The following ZNF454 variants were observed in gnomAD, a reference collection of about 807,000 sequenced individuals.
ZNF454 encodes the protein zinc finger protein 454.
Under a neutral mutation model 48.2 loss-of-function variants are expected in ZNF454, and 30 were observed. The ratio of observed to expected loss-of-function variants is 0.62; its 90% confidence interval spans 0.47 to 0.84. The LOEUF is 0.84. ZNF454 is among the 40% of genes least tolerant of loss of function. ZNF454 has a pLI of 0.00. For synonymous variants in ZNF454, 204 were observed against 211.4 expected (o/e 0.97, Z 0.30); for missense variants, 510 against 623.1 (o/e 0.82, Z 1.93).
In ZNF454 at chr5:178,964,634, T is replaced by G. The variant is rs770365738; in HGVS notation, c.251-21T>G. ...GTTTTGCTAGGGTAAAACAGACATT[T>G]TTATTTTTAATGTCTTTCAGACTGG... On this transcript the variant is annotated intron_variant, in intron 4 of 4. Transcript: ENST00000519564. 4 of 1,582,890 alleles carry G rather than the reference T, an allele frequency of 2.5e-6. No homozygotes were observed. The African/African-American group carries it at 5.4e-5, about 21-fold the overall frequency.
chr5:178,983,813 C>T, the ZNF454 span, among the ~76,000 whole-genome samples: 2 of 152,168 alleles, frequency 1.3e-5, no homozygotes, highest in Non-Finnish European at 2.9e-5. Flanking sequence ...CAACCTCAAG[C>T]CAAGGAAAGC....
the ZNF454 span, chr5:178,986,058 GGC>G: frequency 7.1e-7 from 1 of 1,400,960 alleles, no homozygotes; most frequent in East Asian, 2.4e-5. Context: ...CACTGTGCCT[GGC>G]CCTTTTGGCT....
At chr5:178,982,886 G>C in the ZNF454 span, 1 of 1,568,332 alleles carries the variant, frequency 6.4e-7, no homozygotes, top group Non-Finnish European at 8.8e-7. Context: ...AACAGGCAGC[G>C]AGACCTCCTG....
chr5:178,986,512 C>A, the ZNF454 span: 4 of 1,608,964 alleles, frequency 2.5e-6, no homozygotes, highest in African/African-American at 4.0e-5. Flanking sequence ...GGGGGAGGAC[C>A]AGCTCAGGCG....
Position 178,946,394 on chromosome 5 carries a change from C to G in ZNF454, c.69C>G (p.Phe23Leu). 1 of 1,613,036 alleles carries G rather than the reference C, an allele frequency of 6.2e-7. No individual in the cohort carries two copies. The highest frequency in any genetic ancestry group is 8.5e-7 in the Non-Finnish European group (1 of 1,179,594). Residue 23 changes from phenylalanine to leucine, a missense_variant, in exon 3 of 5, where the codon TTC becomes TTG. Coordinates refer to ENST00000519564, the MANE Select transcript of ZNF454 (RefSeq NM_001178089.3). This position sits in a 1 kb window ranked among gnomAD's most constrained non-coding sequence, Gnocchi z 4.5. ...CCTTCAAGGATGTGGCTATACTGTT[C>G]ACCCAGGAAGAGTGGGGGCAGCTGA... ...SVTFKDVAIL[F>L]TQEEWGQLSP... is the part of the protein sequence containing the mutation.
chr5:178,986,337 G>T, the ZNF454 span: 9 of 1,614,022 alleles, frequency 5.6e-6, no homozygotes, highest in Non-Finnish European at 7.6e-6. Flanking sequence ...CCACCATGAG[G>T]AAGGTGATGG....
intron 4 of ZNF454, among the ~76,000 whole-genome samples, chr5:178,951,932 T>C (rs1170792742): frequency 6.6e-6 from 1 of 152,232 alleles, no homozygotes; most frequent in Non-Finnish European, 1.5e-5. Flanking sequence ...CTGCCCAAAT[T>C]TGAAACTATC....
At chr5:178,982,576 CAAAAAAAAA>C in the ZNF454 span, among the ~76,000 whole-genome samples, 1 of 20,168 alleles carries the variant, frequency 5.0e-5, no homozygotes, top group African/African-American at 2.5e-4. Flanking sequence ...GACTCTGTCT[CAAAAAAAAA>C]AAAAAAAAAA....
At chr5:178,985,649 G>A in the ZNF454 span, 6 of 389,470 alleles carry the variant, frequency 1.5e-5, no homozygotes, top group East Asian at 7.6e-5. Context: ...CTTGCAGGGA[G>A]CTGAGATAGT....
chr5:178,965,755 GAC>G lies in ZNF454; in HGVS notation c.1352_1353del (p.Asp451AlafsTer8). ...TAACATATGTGAAAAAGCCTTCAGT[GAC>G]CATTCAGCCCTTACCCAACATAAGA... ...TCNICEKAFSDHSALTQHKRI... is the reference protein window; with the variant it reads ...TCNICEKAFSXHSALTQHKRI... On this transcript the variant is annotated frameshift_variant, in exon 5 of 5. Coordinates refer to ENST00000519564, the MANE Select transcript of ZNF454 (RefSeq NM_001178089.3). LOFTEE classifies it high-confidence loss of function. The surrounding 1 kb of genome is among the most constrained non-coding windows in gnomAD (Gnocchi z 5.2). 1 of 1,614,144 alleles carries G rather than the reference GAC, an allele frequency of 6.2e-7. No individual in the cohort carries two copies. Among genetic ancestry groups the G allele is most frequent in the Non-Finnish European group, 8.5e-7 (1 of 1,180,018 alleles).
the ZNF454 span, among the ~76,000 whole-genome samples, chr5:178,982,297 C>A: frequency 2.0e-5 from 3 of 152,138 alleles, no homozygotes; most frequent in Admixed American, 2.0e-4. Flanking sequence ...GCACATGAAG[C>A]CTGGGCGCAG....
the ZNF454 span, chr5:178,985,731 C>T: frequency 1.6e-5 from 7 of 428,896 alleles, no homozygotes; most frequent in Admixed American, 1.1e-4. Flanking sequence ...AACACAGGAA[C>T]CAAAATAGAA....
chr5:178,981,514 C>T, the ZNF454 span: 1 of 650,456 alleles, frequency 1.5e-6, no homozygotes, highest in African/African-American at 1.8e-5. The surrounding 1 kb of genome is among the most constrained non-coding windows in gnomAD (Gnocchi z 5.1). Context: ...CTTCTCAAGG[C>T]CAGCCCCACC....
At chr5:178,976,198 T>G in the ZNF454 span, 2 of 410,346 alleles carry the variant, frequency 4.9e-6, no homozygotes, top group Non-Finnish European at 1.0e-5. Flanking sequence ...CTATTCAAAA[T>G]TGCAGCCATC....
the ZNF454 span, chr5:178,979,505 G>C: frequency 6.6e-6 from 1 of 152,250 alleles, no homozygotes; most frequent in Non-Finnish European, 1.5e-5. Flanking sequence ...GCCTCGCGGT[G>C]CATCAGAGTT....
the ZNF454 span, among the ~76,000 whole-genome samples, chr5:178,975,004 C>T: frequency 2.0e-5 from 3 of 152,294 alleles, no homozygotes; most frequent in African/African-American, 2.4e-5. Flanking sequence ...CAAAATATAA[C>T]GACACATCAA....
chr5:178,984,845 C>G, the ZNF454 span, among the ~76,000 whole-genome samples: 13 of 152,102 alleles, frequency 8.5e-5, no homozygotes, highest in Admixed American at 5.9e-4. Flanking sequence ...AACGGGTGAG[C>G]AGGTGTTCGC....
chr5:178,947,012 C>G, intron 4 of ZNF454, 26 bp downstream of exon 4: 1 of 1,598,090 alleles, frequency 6.3e-7, no homozygotes, highest in Middle Eastern at 1.7e-4. Context: ...GTGGGAGACA[C>G]CGGGAGGAGC....
chr5:178,958,045 G>A lies in ZNF454; in HGVS notation c.251-6610G>A, dbSNP rs1173688626. On this transcript the variant is annotated intron_variant, in intron 4 of 4. Transcript: ENST00000519564. ...TGATAGAAAAGAAAGCTAGAAATTG[G>A]TGTTTTTATTATTTTTGAAAGCCGT... 2.6e-5 allele frequency among the ~76,000 whole-genome samples: 4 copies of A among 152,138 alleles called. No individual in the cohort carries two copies. The East Asian group carries it at 7.7e-4, about 29-fold the overall frequency.
Sources: gnomAD v4.1 joint callset for allele counts (sites outside exome capture counted in the v4.1 genomes callset) on GRCh38, gnomAD v4.1.1 for gene constraint, Gnocchi (gnomAD v3.1) non-coding constraint, MANE v1.5 for transcripts, NCBI Gene and HGNC (gene_info 2026-07-23, HGNC 2026-07-21) for gene names.